Variants in SLC12A7 observed in about 807,000 individuals in gnomAD.
SLC12A7 encodes the protein K-Cl cotransporter 4.
SLC12A7 carries 100 observed loss-of-function variants against 120.6 expected under a neutral mutation model. The ratio of observed to expected loss-of-function variants is 0.83; its 90% CI spans 0.71 to 0.98. The LOEUF is 0.98. Among genes scored for constraint, SLC12A7 ranks in the 50% least tolerant of loss-of-function variants. The pLI is 0.00. For missense variants in SLC12A7, 1,373 were observed against 1,548.1 expected (o/e 0.89, Z 1.90); for synonymous variants, 760 against 678.0 (o/e 1.12, Z -1.88).
intron 15 of SLC12A7, 118 bp from the exon 16 acceptor site, chr5:1,074,789 C>T: frequency 1.1e-6 from 1 of 948,846 alleles, no homozygotes; most frequent in African/African-American, 1.6e-5. Flanking sequence ...CAGGAAAAGT[C>T]CCTGGATGAG....
At chr5:1,076,571 C>A in intron 13 of SLC12A7, 123 bp downstream of exon 13, 3 of 740,600 alleles carry the variant, frequency 4.1e-6, no homozygotes, top group Admixed American at 2.4e-5. Context: ...CCGGCAGGAT[C>A]CTGACTGCCC....
At chr5:1,076,673 C>A (rs1329217166) in intron 13 of SLC12A7, 21 bp downstream of exon 13, 2 of 1,581,898 alleles carry the variant, frequency 1.3e-6, no homozygotes, top group Non-Finnish European at 1.7e-6. Flanking sequence ...ATCCCCAGGT[C>A]CCCGTCCTGT....
At chr5:1,095,534 C>A (rs1404547448) in intron 1 of SLC12A7, among the ~76,000 whole-genome samples, 21 of 152,220 alleles carry the variant, frequency 1.4e-4, no homozygotes, top group Admixed American at 1.3e-3. Context: ...CCTAGGGGTG[C>A]TCGGCCCATC....
intron 7 of SLC12A7, 94 bp downstream of exon 7, chr5:1,085,138 C>T (rs560606154): frequency 2.1e-5 from 32 of 1,513,712 alleles, no homozygotes; most frequent in African/African-American, 1.4e-4. Flanking sequence ...GCGGGGAGCT[C>T]GGCGTCAAGG....
intron 6 of SLC12A7, among the ~76,000 whole-genome samples, 167 bp from the exon 7 acceptor site, chr5:1,085,640 G>C (rs1294106326): frequency 7.6e-6 from 1 of 131,722 alleles, no homozygotes; most frequent in Non-Finnish European, 1.7e-5. Context: ...GCACAGGCAA[G>C]GGACGGAGCC....
intron 20 of SLC12A7, among the ~76,000 whole-genome samples, chr5:1,062,131 G>T (rs1467904500): frequency 2.0e-5 from 3 of 152,130 alleles, no homozygotes; most frequent in Non-Finnish European, 4.4e-5. Flanking sequence ...AACAACCCCT[G>T]CTCAGGAGCT....
At chr5:1,149,676 A>T in the SLC12A7 span, among the ~76,000 whole-genome samples, 1 of 152,188 alleles carries the variant, frequency 6.6e-6, no homozygotes, top group African/African-American at 2.4e-5. Flanking sequence ...TTCTCTAGTG[A>T]TTAGGGATGT....
the SLC12A7 span, among the ~76,000 whole-genome samples, chr5:1,133,193 G>A: frequency 2.0e-5 from 3 of 152,244 alleles, no homozygotes; most frequent in African/African-American, 7.2e-5. Context: ...TGAGATTACA[G>A]ACATGAGCCA....
intron 17 of SLC12A7, among the ~76,000 whole-genome samples, chr5:1,069,982 A>G (rs191204364): frequency 6.9e-6 from 1 of 145,652 alleles, no homozygotes; most frequent in Admixed American, 6.7e-5. Flanking sequence ...ACACGGCATC[A>G]CACTTAACGC....
chr5:1,151,265 A>C, the SLC12A7 span, among the ~76,000 whole-genome samples: 1 of 152,112 alleles, frequency 6.6e-6, no homozygotes, highest in African/African-American at 2.4e-5. This position sits in a 1 kb window ranked among gnomAD's most constrained non-coding sequence, Gnocchi z 6.2. Context: ...AGCGGCAAAA[A>C]CCCAACACGC....
intron 8 of SLC12A7, among the ~76,000 whole-genome samples, chr5:1,083,034 C>A (rs368850251): frequency 6.7e-6 from 1 of 148,874 alleles, no homozygotes; most frequent in Non-Finnish European, 1.5e-5. Flanking sequence ...CTGGGCTTCC[C>A]GTCTCAGGTT....
At chr5:1,098,040 C>T (rs1489991707) in intron 1 of SLC12A7, among the ~76,000 whole-genome samples, 1 of 151,892 alleles carries the variant, frequency 6.6e-6, no homozygotes, top group African/African-American at 2.4e-5. Flanking sequence ...AGAGACCCTT[C>T]GTTAAAAATC....
chr5:1,115,397 TG>T (rs1273831648), upstream of SLC12A7, among the ~76,000 whole-genome samples: 2 of 152,226 alleles, frequency 1.3e-5, no homozygotes, highest in African/African-American at 4.8e-5. Context: ...GGCTGTGGCC[TG>T]GGAGGGCTCT....
chr5:1,110,812 C>T (rs570183004), intron 1 of SLC12A7, among the ~76,000 whole-genome samples: 3 of 152,338 alleles, frequency 2.0e-5, no homozygotes, highest in Admixed American at 6.5e-5. Flanking sequence ...GACCACTCTT[C>T]GCCCGCCACG....
intron 1 of SLC12A7, among the ~76,000 whole-genome samples, 186 bp downstream of exon 1, chr5:1,111,682 C>T (rs1308878806): frequency 5.3e-5 from 8 of 152,154 alleles, no homozygotes; most frequent in Non-Finnish European, 1.0e-4. Context: ...GGGCCCCTCG[C>T]CCCCTAGCGC....
At chr5:1,080,506 G>A (rs1738921986) in intron 9 of SLC12A7, among the ~76,000 whole-genome samples, 1 of 152,232 alleles carries the variant, frequency 6.6e-6, no homozygotes, top group Admixed American at 6.5e-5. Context: ...TGGGCTCCAG[G>A]GCTTTCGGAT....
intron 1 of SLC12A7, among the ~76,000 whole-genome samples, chr5:1,098,484 C>A (rs867591856): frequency 2.1e-4 from 1 of 4,656 alleles, no homozygotes; most frequent in African/African-American, 7.6e-4. Context: ...TCTGCTCACC[C>A]AGCCCCCTTC....
chr5:1,057,651 T>G lies in SLC12A7; in HGVS notation c.2848-2A>C. On this transcript the variant is annotated splice_acceptor_variant, in intron 21 of 23. Coordinates refer to ENST00000264930, the MANE Select transcript of SLC12A7 (RefSeq NM_006598.3). LOFTEE classifies it high-confidence loss of function. ...GTTCCTGTCGTGGATCAGCTGGGCC[T>G]GGCGGGCCCGGGACTTGGTGAGACC... is the stretch of plus-strand genomic sequence containing the variant. 2 of 1,592,872 alleles carry G rather than the reference T, an allele frequency of 1.3e-6. No individual in the cohort carries two copies. Among genetic ancestry groups the G allele is most frequent in the Non-Finnish European group, 8.5e-7 (1 of 1,176,862 alleles).
chr5:1,118,869 C>G, the SLC12A7 span, among the ~76,000 whole-genome samples: 3 of 152,178 alleles, frequency 2.0e-5, no homozygotes, highest in African/African-American at 4.8e-5. Context: ...GGGCGTGTCT[C>G]GCTGAACTTC....
Sources: allele counts gnomAD v4.1 joint callset (sites outside exome capture counted in the v4.1 genomes callset), GRCh38; gene constraint gnomAD v4.1.1; non-coding constraint Gnocchi (gnomAD v3.1); transcripts MANE v1.5; gene names NCBI Gene and HGNC (gene_info 2026-07-23, HGNC 2026-07-21).